SYNE1: variants seen among roughly 807,000 people sequenced by gnomAD.
SYNE1 encodes spectrin repeat containing nuclear envelope protein 1.
SYNE1 carries 616 observed loss-of-function variants against 1,111.0 expected under a neutral mutation model. That is an observed-to-expected ratio of 0.55 (90% CI 0.52 to 0.59). SYNE1 has a LOEUF of 0.59. Ranked by LOEUF, SYNE1 falls within the 20% of genes least tolerant of loss-of-function variation. SYNE1 has a pLI of 0.00. For synonymous variants in SYNE1, 3,855 were observed against 3,825.8 expected, an observed-to-expected ratio of 1.01 and a Z score of -0.28; for missense variants, 10,006 against 10,417.0, an observed-to-expected ratio of 0.96 and a Z score of 1.72.
In SYNE1 at chr6:152,206,196, T is replaced by C; in HGVS notation, c.22991A>G (p.Gln7664Arg). The change falls in exon 126 of 146, where the codon CAG (glutamine) becomes CGG (arginine). Residue 7664 changes from glutamine (Q) to arginine (R), a missense_variant. This residue lies in a region of SYNE1 where 2,182 missense variants were observed against 2,287.8 expected (regional missense o/e 0.95). Transcript: ENST00000367255. ...CAACAAGAAGGCTAGTTTTTTCTTC[T>C]GTTCTTCCAGCCGCATGCTGGCTGA... ...WKSASMRLEE[Q>R]KKKLAFLLKD... 1 of 1,613,760 alleles carries C rather than the reference T, an allele frequency of 6.2e-7. No homozygotes were observed. Among genetic ancestry groups the C allele is most frequent in the Non-Finnish European group, 8.5e-7 (1 of 1,180,024 alleles).
rs531837090 is a variant in SYNE1, at chr6:152,214,669, A to T, written c.22346+237T>A. Among the ~76,000 whole-genome samples the T allele has an allele frequency of 4.6e-5, 7 of 152,336 alleles. No individual in the cohort carries two copies. The South Asian group carries it at 1.5e-3, about 32-fold the overall frequency. ...TCTGCCTTCCACTGTGTGAGGACAC[A>T]GCAACTCTCCCCTCCTGAGGATGCA... On this transcript the variant is annotated intron_variant, in intron 122 of 145. Coordinates refer to ENST00000367255, the MANE Select transcript of SYNE1 (RefSeq NM_182961.4).
rs886061189 is a variant in SYNE1, at chr6:152,122,003, T to C, written c.*433A>G. On this transcript the variant is annotated 3_prime_UTR_variant, in exon 146 of 146. Transcript: ENST00000367255. ...CAAGGTTCTAAAATCTCTTCAGCACTGGTTGGTTGGTAGATTGTACGACAC... is the reference window on the plus strand; with the variant it reads ...CAAGGTTCTAAAATCTCTTCAGCACCGGTTGGTTGGTAGATTGTACGACAC... The C allele has an allele frequency of 2.5e-4, 55 of 221,240 alleles. No individual in the cohort carries two copies. The highest frequency in any genetic ancestry group is 1.0e-4 in the Admixed American group (2 of 19,328). 13.7% of individuals were successfully genotyped at this position (221,240 alleles called of 1,614,324 possible).
At chr6:152,141,168 T>G (rs2058468280) in intron 139 of SYNE1, 35 bp downstream of exon 139, 5 of 1,613,942 alleles carry the variant, frequency 3.1e-6, no homozygotes, top group Non-Finnish European at 4.2e-6. Context: ...GATCTTCTAT[T>G]TCATTCACTC....
At chr6:152,246,770 A>C (rs1335614685) in intron 105 of SYNE1, among the ~76,000 whole-genome samples, 2 of 152,212 alleles carry the variant, frequency 1.3e-5, no homozygotes, top group African/African-American at 4.8e-5. Context: ...TGTGATTGTG[A>C]AATTTCAGGA....
At chr6:152,268,502 G>A (rs2092924766) in intron 99 of SYNE1, among the ~76,000 whole-genome samples, 1 of 151,996 alleles carries the variant, frequency 6.6e-6, no homozygotes, top group Non-Finnish European at 1.5e-5. Context: ...ATGCTAAAAG[G>A]ATAGATCCTT....
intron 115 of SYNE1, among the ~76,000 whole-genome samples, chr6:152,227,590 A>T (rs2081889460): frequency 6.6e-6 from 1 of 152,174 alleles, no homozygotes; most frequent in Non-Finnish European, 1.5e-5. Flanking sequence ...AAATATAATT[A>T]ATTTACTATT....
intron 38 of SYNE1, 30 bp from the exon 39 acceptor site, chr6:152,425,577 T>C (rs973598737): frequency 3.1e-6 from 5 of 1,613,716 alleles, no homozygotes; most frequent in Admixed American, 1.7e-5. Flanking sequence ...ACGGATCTCA[T>C]CCTAACAGGA....
chr6:152,243,620 G>A (rs1369976250), intron 106 of SYNE1, among the ~76,000 whole-genome samples: 2 of 152,144 alleles, frequency 1.3e-5, no homozygotes, highest in Admixed American at 6.5e-5. Context: ...AGTGGGGGAG[G>A]TGGGCTTATG....
chr6:152,459,366 A>G (rs763323519), intron 21 of SYNE1, among the ~76,000 whole-genome samples: 9 of 152,152 alleles, frequency 5.9e-5, no homozygotes, highest in Non-Finnish European at 1.3e-4. Flanking sequence ...GAGATCGCCT[A>G]CTTGAACCCT....
In SYNE1 at chr6:152,148,472, T is replaced by A; in HGVS notation, c.24643-94A>T. 9.3e-7 allele frequency: 1 copy of A among 1,076,830 alleles called. No homozygotes were observed. The highest frequency in any genetic ancestry group is 1.4e-6 in the Non-Finnish European group (1 of 723,966). The allele number at this position is 1,076,830 out of a possible 1,614,324, so 66.7% of individuals were successfully genotyped here. On this transcript the variant is annotated intron_variant, in intron 136 of 145. Transcript: ENST00000367255. This position sits in a 1 kb window ranked among gnomAD's most constrained non-coding sequence, Gnocchi z 4.1. ...CTACCATGTGGGGACAATTTTTAAC[T>A]TCTTATGAGCAAATAAATAAGAATC...
At chr6:152,247,782 T>G (rs10677967) in intron 105 of SYNE1, among the ~76,000 whole-genome samples, 2 of 106,196 alleles carry the variant, frequency 1.9e-5, no homozygotes, top group Non-Finnish European at 4.0e-5. Context: ...CACACACACA[T>G]ATATTTTTAA....
rs191151319 is a variant in SYNE1 at position 152,163,895 on chromosome 6, C to T, written c.23790+268G>A. ...TTTAGATACGTAATTGCAACTCCACCTTACCTACCATCTTAGAAGGCTTCT... is the reference window on the plus strand; with the variant it reads ...TTTAGATACGTAATTGCAACTCCACTTTACCTACCATCTTAGAAGGCTTCT... On this transcript the variant is annotated intron_variant, in intron 131 of 145. Coordinates refer to ENST00000367255, the MANE Select transcript of SYNE1 (RefSeq NM_182961.4). Among the ~76,000 whole-genome samples, 837 of 152,228 alleles carry T rather than the reference C, an allele frequency of 5.5e-3. 2 individuals carry two copies. The highest frequency in any genetic ancestry group is 0.01 in the Non-Finnish European group (699 of 67,996).
At chr6:152,217,744 G>A (rs910733383) in intron 121 of SYNE1, among the ~76,000 whole-genome samples, 1 of 152,062 alleles carries the variant, frequency 6.6e-6, no homozygotes, top group African/African-American at 2.4e-5. Flanking sequence ...GCCGTGGAAA[G>A]GAGGAGTGAG....
chr6:152,316,875 G>C lies in SYNE1; in HGVS notation c.16684C>G (p.Leu5562Val). 4 of 1,614,126 alleles carry C rather than the reference G, an allele frequency of 2.5e-6. No homozygotes were observed. The highest frequency in any genetic ancestry group is 3.4e-6 in the Non-Finnish European group (4 of 1,180,010). ...GTIAWNSASQ[L>V]REQYILHQTL... ...TGATGCAAAATATATTGTTCCCGAAGCTGGCTTGCAGAATTCCATGCAATA... is the reference window on the plus strand; with the variant it reads ...TGATGCAAAATATATTGTTCCCGAACCTGGCTTGCAGAATTCCATGCAATA... Residue 5562 changes from leucine (L) to valine (V), a missense_variant, in exon 87 of 146, where the codon CTT (leucine) becomes GTT (valine). By Grantham distance (32) the Leu-to-Val change is conservative. Coordinates refer to ENST00000367255, the MANE Select transcript of SYNE1 (RefSeq NM_182961.4).
rs537655488 is a variant in SYNE1, at chr6:152,204,744, G to A, written c.23019+1424C>T. Among the ~76,000 whole-genome samples the A allele has an allele frequency of 2.0e-5, 3 of 152,220 alleles. No homozygotes were observed. In the South Asian group the frequency reaches 6.2e-4, roughly 32 times the overall value. On this transcript the variant is annotated intron_variant, in intron 126 of 145. Coordinates refer to ENST00000367255, the MANE Select transcript of SYNE1 (RefSeq NM_182961.4). Reference sequence around the variant, plus strand: ...AGTCCTTTTATGACGTGAATTATAAGGAAATAACTTAATGTCATGAGCCTG... The same window carrying A: ...AGTCCTTTTATGACGTGAATTATAAAGAAATAACTTAATGTCATGAGCCTG...
At chr6:152,414,051 T>A (rs1383597572) in intron 41 of SYNE1, among the ~76,000 whole-genome samples, 1 of 151,330 alleles carries the variant, frequency 6.6e-6, no homozygotes, top group Non-Finnish European at 1.5e-5. Flanking sequence ...GTTGAAAAGA[T>A]TACCATAAGG....
rs1233905466 is a variant in SYNE1, at chr6:152,352,364, G to C, written c.11254-11C>G. ...GTCTTTGAGCAAAACCTGAAAAAGA[G>C]AGTGAGTAGGAGCAAAGGTAGTCTT... On this transcript the variant is annotated splice_polypyrimidine_tract_variant and intron_variant, in intron 69 of 145. Transcript: ENST00000367255. The C allele has an allele frequency of 1.2e-6, 2 of 1,613,162 alleles. No homozygotes were observed. Among genetic ancestry groups the C allele is most frequent in the East Asian group, 2.2e-5 (1 of 44,842 alleles).
chr6:152,373,565 C>A (rs1453519577), intron 58 of SYNE1, among the ~76,000 whole-genome samples: 1 of 152,102 alleles, frequency 6.6e-6, no homozygotes, highest in Non-Finnish European at 1.5e-5. Flanking sequence ...CAGGCGTGAG[C>A]CACCACACCC....
chr6:152,362,012 G>T (rs949033137), intron 64 of SYNE1, among the ~76,000 whole-genome samples, 158 bp downstream of exon 64: 1 of 152,114 alleles, frequency 6.6e-6, no homozygotes, highest in Admixed American at 6.5e-5. Context: ...ACAAATGAAA[G>T]TCCAGTTTAA....
Sources: gnomAD v4.1 joint callset for allele counts (sites outside exome capture counted in the v4.1 genomes callset) on GRCh38, gnomAD v4.1.1 for gene constraint, gnomAD v4.1.1 regional missense constraint, Gnocchi (gnomAD v3.1) non-coding constraint, MANE v1.5 for transcripts, NCBI Gene and HGNC (gene_info 2026-07-23, HGNC 2026-07-21) for gene names.